Variants in LIN52 observed in about 807,000 individuals in gnomAD.
LIN52 encodes lin-52 DREAM MuvB core complex component.
A neutral mutation model predicts 18.5 loss-of-function variants in LIN52; 4 were observed. The ratio of observed to expected loss-of-function variants is 0.22; its 90% confidence interval spans 0.11 to 0.49. The LOEUF is 0.49. Ranked by LOEUF, LIN52 falls within the 20% of genes least tolerant of loss-of-function variation. The probability of loss-of-function intolerance (pLI) is 0.97; values close to 1 mark genes in which losing one functional copy is unlikely to be tolerated. For synonymous variants in LIN52, 34 were observed against 45.5 expected (o/e 0.75, Z 1.02); for missense variants, 102 against 139.5 (o/e 0.73, Z 1.35).
intron 5 of LIN52, among the ~76,000 whole-genome samples, chr14:74,145,052 G>A (rs1408804054): frequency 2.0e-5 from 3 of 152,278 alleles, no homozygotes; most frequent in East Asian, 3.9e-4. Context: ...TGAAGTGATC[G>A]CTTCTTTCTA....
chr14:74,134,691 T>A (rs2061087786), intron 5 of LIN52, among the ~76,000 whole-genome samples: 1 of 152,156 alleles, frequency 6.6e-6, no homozygotes, highest in African/African-American at 2.4e-5. Context: ...AGAGCACTCA[T>A]ATCTGCTCAA....
chr14:74,089,219 T>C lies in LIN52; in HGVS notation c.20-2013T>C, dbSNP rs547718639. The stretch of plus-strand genomic sequence containing the variant: ...ACGACTAGATTTACTCATGGATTGG[T>C]TATGGAAGGGTGAAGGAAAAGAATG... On this transcript the variant is annotated intron_variant, in intron 1 of 5. Coordinates refer to ENST00000555028, the MANE Select transcript of LIN52 (RefSeq NM_001024674.3). 2.6e-5 allele frequency among the ~76,000 whole-genome samples: 4 copies of C among 152,172 alleles called. No individual in the cohort carries two copies. In the South Asian group the frequency reaches 8.3e-4, roughly 32 times the overall value.
chr14:74,139,234 G>T (rs2061115610), intron 5 of LIN52, among the ~76,000 whole-genome samples: 1 of 152,210 alleles, frequency 6.6e-6, no homozygotes, highest in Admixed American at 6.5e-5. Flanking sequence ...TTTATTCTGA[G>T]CTATAATTTT....
intron 5 of LIN52, among the ~76,000 whole-genome samples, chr14:74,157,493 G>T (rs2159704): frequency 0.17 from 26,130 of 150,432 alleles, 2,762 homozygotes; most frequent in East Asian, 0.58. Flanking sequence ...TAGAGACAGG[G>T]TCTCACTCTG....
chr14:74,130,278 G>GTTTTTTTTTTTTTTTTTTTTT (rs71460958), intron 5 of LIN52, among the ~76,000 whole-genome samples: 695 of 64,724 alleles, frequency 0.011, 128 homozygotes, highest in South Asian at 0.013. Context: ...GCATTTTTTG[G>GTTTTTTTTTTTTTTTTTTTTT]TTTTTTTTTT....
intron 5 of LIN52, among the ~76,000 whole-genome samples, chr14:74,164,428 G>A (rs1448598200): frequency 6.6e-6 from 1 of 151,962 alleles, no homozygotes; most frequent in Non-Finnish European, 1.5e-5. Flanking sequence ...GGGAGTACAG[G>A]CAGGCACCAC....
chr14:74,162,693 C>T (rs902732360), intron 5 of LIN52, among the ~76,000 whole-genome samples: 5 of 152,102 alleles, frequency 3.3e-5, no homozygotes, highest in African/African-American at 4.8e-5. Flanking sequence ...TGCGCCCAGC[C>T]GAATTTTCTT....
At chr14:74,142,274 C>T (rs1829638396) in intron 5 of LIN52, among the ~76,000 whole-genome samples, 1 of 152,186 alleles carries the variant, frequency 6.6e-6, no homozygotes, top group Non-Finnish European at 1.5e-5. Flanking sequence ...GAAGAGATGT[C>T]ATACTACTAA....
intron 5 of LIN52, among the ~76,000 whole-genome samples, chr14:74,168,896 T>G (rs1401139762): frequency 6.6e-6 from 1 of 151,766 alleles, no homozygotes; most frequent in East Asian, 1.9e-4. Flanking sequence ...ACCCCATCTC[T>G]ACTAAAAATA....
At chr14:74,157,753 T>TA (rs2061205891) in intron 5 of LIN52, among the ~76,000 whole-genome samples, 2 of 152,114 alleles carry the variant, frequency 1.3e-5, no homozygotes. Context: ...CCTTGGGTCC[T>TA]ACAAGATAAC....
At chr14:74,192,579 T>C (rs2078885653) in intron 5 of LIN52, 2 of 197,230 alleles carry the variant, frequency 1.0e-5, no homozygotes, top group Non-Finnish European at 2.1e-5. Context: ...TGAGCCACCA[T>C]GCCCAGCCAA....
chr14:74,167,750 G>A (rs879446146), intron 5 of LIN52, among the ~76,000 whole-genome samples: 1 of 152,054 alleles, frequency 6.6e-6, no homozygotes, highest in Non-Finnish European at 1.5e-5. Flanking sequence ...TGCCTAGGCT[G>A]GAATTGAACT....
chr14:74,096,687 C>G (rs1438441724), intron 3 of LIN52, among the ~76,000 whole-genome samples: 9 of 151,996 alleles, frequency 5.9e-5, no homozygotes, highest in Non-Finnish European at 1.2e-4. Context: ...ACAGAATCAT[C>G]AACATGCAGC....
intron 5 of LIN52, among the ~76,000 whole-genome samples, chr14:74,103,741 T>TG (rs1193710351): frequency 2.7e-5 from 2 of 73,196 alleles, no homozygotes; most frequent in African/African-American, 1.5e-4. Flanking sequence ...CAGTTTTTTT[T>TG]TTTTTTTTTT....
At chr14:74,106,652 G>A (rs2060898718) in intron 5 of LIN52, among the ~76,000 whole-genome samples, 2 of 152,148 alleles carry the variant, frequency 1.3e-5, no homozygotes, top group South Asian at 2.1e-4. Flanking sequence ...ATGCAGTGGT[G>A]CAGTCTTGGC....
intron 5 of LIN52, among the ~76,000 whole-genome samples, chr14:74,144,588 A>G (rs971064495): frequency 5.0e-5 from 7 of 140,646 alleles, no homozygotes; most frequent in African/African-American, 1.1e-4. Context: ...AAATCTACCT[A>G]TAAAATGAGC....
At chr14:74,145,223 GTTC>G (rs1251288779) in intron 5 of LIN52, among the ~76,000 whole-genome samples, 1 of 152,140 alleles carries the variant, frequency 6.6e-6, no homozygotes, top group Non-Finnish European at 1.5e-5. Flanking sequence ...ACTCAAAAAA[GTTC>G]TTCTAATTCT....
intron 5 of LIN52, among the ~76,000 whole-genome samples, chr14:74,169,166 C>T (rs775040161): frequency 6.6e-6 from 1 of 152,172 alleles, no homozygotes. Context: ...TGACTTGAGC[C>T]TTACCTTAGT....
At chr14:74,179,130 T>TCC (rs2061305731) in intron 5 of LIN52, among the ~76,000 whole-genome samples, 1 of 152,086 alleles carries the variant, frequency 6.6e-6, no homozygotes, top group Non-Finnish European at 1.5e-5. Context: ...TTCAAGCACA[T>TCC]CCCTCTCTTT....
Sources: gnomAD v4.1 joint callset for allele counts (sites outside exome capture counted in the v4.1 genomes callset) on GRCh38, gnomAD v4.1.1 for gene constraint, MANE v1.5 for transcripts, NCBI Gene and HGNC (gene_info 2026-07-23, HGNC 2026-07-21) for gene names.